The following COX10 variants were observed in gnomAD, a reference collection of about 807,000 sequenced individuals.
COX10 encodes cytochrome c oxidase assembly factor heme A:farnesyltransferase COX10.
A neutral mutation model predicts 37.3 loss-of-function variants in COX10; 27 were observed. That is an observed-to-expected ratio of 0.72 (90% CI 0.53 to 1.00). The LOEUF is 1.00. COX10 is among the 50% of genes least tolerant of loss of function. COX10 has a pLI of 0.00. For synonymous variants in COX10, 222 were observed against 229.1 expected (o/e 0.97, Z 0.28); for missense variants, 475 against 563.2 (o/e 0.84, Z 1.59).
intron 3 of COX10, among the ~76,000 whole-genome samples, chr17:14,098,709 C>A (rs1264555814): frequency 6.6e-6 from 1 of 152,076 alleles, no homozygotes. Context: ...GTAAAATATA[C>A]CTGCGACTAC....
chr17:14,189,099 AG>A (rs1906124843), intron 5 of COX10, among the ~76,000 whole-genome samples: 1 of 133,716 alleles, frequency 7.5e-6, no homozygotes, highest in Non-Finnish European at 1.6e-5. Flanking sequence ...TTTTTTTTGA[AG>A]AAATGCCTCA....
intron 4 of COX10, among the ~76,000 whole-genome samples, chr17:14,106,278 A>G (rs1017480502): frequency 2.0e-5 from 3 of 152,076 alleles, no homozygotes; most frequent in Admixed American, 6.6e-5. Context: ...CGGCCTCCCA[A>G]AATGCTGGGA....
intron 5 of COX10, among the ~76,000 whole-genome samples, chr17:14,178,828 G>T (rs1597538724): frequency 6.6e-6 from 1 of 152,038 alleles, no homozygotes; most frequent in Non-Finnish European, 1.5e-5. Context: ...GAGAAAATTT[G>T]ATTGCTCCAG....
chr17:14,207,088 G>A lies in COX10; in HGVS notation c.1207G>A (p.Ala403Thr), dbSNP rs765874431. ...CCTCGGCTTCCGCTTCTACGTGGAC[G>A]CAGACCGCAGGAGCTCGCGGAGACT... ...SYLGFRFYVDADRRSSRRLFF... is the reference protein window; with the variant it reads ...SYLGFRFYVDTDRRSSRRLFF... The change falls in exon 7 of 7, where the codon GCA becomes ACA. Residue 403 changes from alanine (A) to threonine (T), a missense_variant. Ala to Thr is a moderately conservative substitution (Grantham distance 58, BLOSUM62 0). This residue lies in a region of COX10 where 160 missense variants were observed against 180.6 expected (regional missense o/e 0.89). Transcript: ENST00000261643. 6 of 1,613,914 alleles carry A rather than the reference G, an allele frequency of 3.7e-6. No homozygotes were observed. The highest frequency in any genetic ancestry group is 4.5e-5 in the East Asian group (2 of 44,866).
At chr17:14,195,202 G>A (rs1906333133) in intron 6 of COX10, among the ~76,000 whole-genome samples, 1 of 152,188 alleles carries the variant, frequency 6.6e-6, no homozygotes, top group South Asian at 2.1e-4. Flanking sequence ...GAGATAAGCA[G>A]CAAATACTTA....
chr17:14,070,362 C>T (rs1011287057), intron 1 of COX10, among the ~76,000 whole-genome samples: 2 of 152,138 alleles, frequency 1.3e-5, no homozygotes, highest in Non-Finnish European at 2.9e-5. Flanking sequence ...ACAGTCTATA[C>T]TTGTTTATTT....
At chr17:14,195,362 G>A (rs1012221250) in intron 6 of COX10, among the ~76,000 whole-genome samples, 2 of 152,258 alleles carry the variant, frequency 1.3e-5, no homozygotes, top group East Asian at 3.9e-4. Context: ...TTCTAGAGCT[G>A]TACTGTCTTG....
At chr17:14,132,919 T>A (rs148740092) in intron 4 of COX10, among the ~76,000 whole-genome samples, 1,706 of 151,806 alleles carry the variant, frequency 0.011, 25 homozygotes, top group African/African-American at 0.039. Context: ...AATTAGAACT[T>A]TAACCATTCT....
At chr17:14,162,828 G>C (rs1001079852) in intron 5 of COX10, among the ~76,000 whole-genome samples, 1 of 152,170 alleles carries the variant, frequency 6.6e-6, no homozygotes, top group Non-Finnish European at 1.5e-5. Context: ...TGCGATGAAG[G>C]CATCTAAAGT....
At chr17:14,177,264 C>CA (rs1905722182) in intron 5 of COX10, 1 of 727,354 alleles carries the variant, frequency 1.4e-6, no homozygotes, top group Non-Finnish European at 2.5e-6. Flanking sequence ...TGGGAGTGTG[C>CA]CAAGCATTTA....
At chr17:14,196,714 C>T (rs140612053) in intron 6 of COX10, among the ~76,000 whole-genome samples, 280 of 152,290 alleles carry the variant, frequency 1.8e-3, no homozygotes, top group Admixed American at 5.8e-3. Flanking sequence ...CTGTGTGCCT[C>T]CTCTCACCTA....
chr17:14,102,126 G>A lies in COX10; in HGVS notation c.508G>A (p.Val170Ile). The A allele has an allele frequency of 1.9e-6, 3 of 1,613,620 alleles. No homozygotes were observed. The highest frequency in any genetic ancestry group is 2.5e-6 in the Non-Finnish European group (3 of 1,179,686). The change falls in exon 4 of 7, where the codon GTA becomes ATA. Residue 170 changes from valine (V) to isoleucine (I), a missense_variant. Coordinates refer to ENST00000261643, the MANE Select transcript of COX10 (RefSeq NM_001303.4). ...LSKIKLTALVVSTTAAGFALA... is the reference protein window; with the variant it reads ...LSKIKLTALVISTTAAGFALA... ...CTGTTTCTGTATCGCAGCTCTGGTT[G>A]TAAGTACCACTGCAGCTGGATTTGC...
intron 3 of COX10, among the ~76,000 whole-genome samples, chr17:14,077,597 G>A (rs1915186564): frequency 1.3e-5 from 2 of 152,198 alleles, no homozygotes; most frequent in Admixed American, 1.3e-4. Context: ...GTGCCAAATT[G>A]TATTGCCATA....
At position 14,150,936 on chromosome 17, in the gene COX10, G is replaced by A. The variant is rs77043821; in HGVS notation, c.625-8941G>A. ...AAGGGGGCCAAACAGTATATTCTAA[G>A]GGTTGATATTACTGCATTTGTCTTT... On this transcript the variant is annotated intron_variant, in intron 4 of 6. Coordinates refer to ENST00000261643, the MANE Select transcript of COX10 (RefSeq NM_001303.4). Among the ~76,000 whole-genome samples, 1,016 of 152,262 alleles carry A rather than the reference G, an allele frequency of 6.7e-3. 10 individuals carry two copies. The highest frequency in any genetic ancestry group is 0.023 in the African/African-American group (959 of 41,550).
chr17:14,140,009 G>A (rs1198149802), intron 4 of COX10, among the ~76,000 whole-genome samples: 1 of 152,078 alleles, frequency 6.6e-6, no homozygotes, highest in Non-Finnish European at 1.5e-5. Flanking sequence ...TCTTTACAAG[G>A]AACTTTCTTC....
At chr17:14,187,718 A>G (rs1906075717) in intron 5 of COX10, among the ~76,000 whole-genome samples, 1 of 152,234 alleles carries the variant, frequency 6.6e-6, no homozygotes, top group Non-Finnish European at 1.5e-5. Context: ...CATTTGGAGT[A>G]CCTTTGCCCA....
chr17:14,201,177 A>G (rs1329262725), intron 6 of COX10, among the ~76,000 whole-genome samples: 1 of 152,254 alleles, frequency 6.6e-6, no homozygotes, highest in Non-Finnish European at 1.5e-5. Flanking sequence ...TCTTTGAATT[A>G]GTCAACTGAG....
At chr17:14,173,440 A>C (rs528861233) in intron 5 of COX10, among the ~76,000 whole-genome samples, 2 of 152,398 alleles carry the variant, frequency 1.3e-5, no homozygotes, top group East Asian at 3.9e-4. Context: ...CTTGACAGAC[A>C]GACTTTGGAT....
intron 4 of COX10, among the ~76,000 whole-genome samples, chr17:14,139,752 A>G (rs1904484232): frequency 6.6e-6 from 1 of 152,168 alleles, no homozygotes; most frequent in Non-Finnish European, 1.5e-5. Context: ...TTTAGTATCC[A>G]AAATTGTTTC....
Sources: gnomAD v4.1 joint callset for allele counts (sites outside exome capture counted in the v4.1 genomes callset) on GRCh38, gnomAD v4.1.1 for gene constraint, gnomAD v4.1.1 regional missense constraint, MANE v1.5 for transcripts, NCBI Gene and HGNC (gene_info 2026-07-23, HGNC 2026-07-21) for gene names.